The following FRYL variants were observed in gnomAD, a reference collection of about 807,000 sequenced individuals.
The protein encoded by FRYL is FRY like transcription coactivator, also known as protein furry homolog-like.
FRYL carries 150 observed loss-of-function variants against 351.2 expected under a neutral mutation model. The ratio of observed to expected loss-of-function variants is 0.43; its 90% confidence interval spans 0.37 to 0.49. The LOEUF (loss-of-function observed/expected upper bound fraction) is 0.49. Ranked by LOEUF, FRYL falls within the 20% of genes least tolerant of loss-of-function variation. FRYL has a pLI of 0.00. For synonymous variants in FRYL, 1,153 were observed against 1,257.1 expected, an observed-to-expected ratio of 0.92 and a Z score of 1.75; for missense variants, 3,036 against 3,619.3, an observed-to-expected ratio of 0.84 and a Z score of 4.13.
chr4:48,513,141 C>T (rs1197002453), intron 56 of FRYL, among the ~76,000 whole-genome samples: 1 of 152,090 alleles, frequency 6.6e-6, no homozygotes, highest in African/African-American at 2.4e-5. Flanking sequence ...TCAGTCTTCA[C>T]AACTATATGA....
chr4:48,777,556 C>T (rs1776147343), intron 1 of FRYL, among the ~76,000 whole-genome samples: 1 of 152,094 alleles, frequency 6.6e-6, no homozygotes. Flanking sequence ...GAAATGTGTG[C>T]ATATAAAACA....
intron 26 of FRYL, chr4:48,571,717 C>G (rs1048844576): frequency 1.0e-5 from 10 of 976,424 alleles, no homozygotes; most frequent in Non-Finnish European, 1.2e-5. Context: ...CTAAAGTTGA[C>G]AGCAATTCAT....
chr4:48,584,402 C>A (rs934647015), intron 19 of FRYL, among the ~76,000 whole-genome samples: 13 of 152,174 alleles, frequency 8.5e-5, no homozygotes, highest in African/African-American at 3.1e-4. Flanking sequence ...CAACTTTCAA[C>A]TGACAATGAG....
At chr4:48,588,735 T>A (rs1254312317) in intron 18 of FRYL, among the ~76,000 whole-genome samples, 1 of 152,188 alleles carries the variant, frequency 6.6e-6, no homozygotes, top group Non-Finnish European at 1.5e-5. Context: ...GGCCTCCACA[T>A]GTGCAGTGTC....
chr4:48,502,828 TGC>T lies in FRYL; in HGVS notation c.8479_8480del (p.Ala2827ArgfsTer24). 1 of 1,610,644 alleles carries T rather than the reference TGC, an allele frequency of 6.2e-7. No homozygotes were observed. Among genetic ancestry groups the T allele is most frequent in the Middle Eastern group, 1.7e-4 (1 of 6,044 alleles). ...CTATAAATCAAGACAGGTCACTTAC[TGC>T]TAGTATTTCCATTTGCTAAGCAAGA... ...NTDAQQMEIL[A>X]ELELCRRLYK... is the part of the protein sequence containing the mutation. On this transcript the variant is annotated frameshift_variant and splice_region_variant, in exon 61 of 64. Coordinates refer to ENST00000358350, the MANE Select transcript of FRYL (RefSeq NM_015030.2). LOFTEE classifies it high-confidence loss of function.
chr4:48,722,262 A>T (rs1769565640), intron 1 of FRYL, among the ~76,000 whole-genome samples: 1 of 152,198 alleles, frequency 6.6e-6, no homozygotes, highest in African/African-American at 2.4e-5. Context: ...CTTACACCAT[A>T]AATATATGCT....
At chr4:48,664,985 G>C (rs569196361) in intron 3 of FRYL, among the ~76,000 whole-genome samples, 1 of 152,284 alleles carries the variant, frequency 6.6e-6, no homozygotes, top group Non-Finnish European at 1.5e-5. Context: ...ATAGCTATAA[G>C]TGGGTTTCTA....
At chr4:48,515,330 C>G in intron 55 of FRYL, 55 bp from the exon 56 acceptor site, 1 of 1,323,198 alleles carries the variant, frequency 7.6e-7, no homozygotes, top group East Asian at 2.4e-5. Flanking sequence ...AAGAATTTTA[C>G]AACACAATAA....
At position 48,579,004 on chromosome 4, in the gene FRYL, G is replaced by A. The variant is rs746235682; in HGVS notation, c.2497C>T (p.Leu833Phe). ...TCGACCTGAGGGGACAACAACTGAA[G>A]TCTTGTGTATGCAAACATCCAAGCA... ...SYAWMFAYTR[L>F]QLLSPQVDIN... Residue 833 changes from leucine (L) to phenylalanine (F), a missense_variant, in exon 23 of 64, where the codon CTT (leucine) becomes TTT (phenylalanine). Leu to Phe is a conservative substitution (Grantham distance 22). Transcript: ENST00000358350. 1.2e-6 allele frequency: 2 copies of A among 1,612,776 alleles called. No individual in the cohort carries two copies. Among genetic ancestry groups the A allele is most frequent in the African/African-American group, 1.3e-5 (1 of 74,968 alleles).
intron 13 of FRYL, among the ~76,000 whole-genome samples, chr4:48,599,674 G>C (rs1745314312): frequency 6.6e-6 from 1 of 152,112 alleles, no homozygotes; most frequent in Non-Finnish European, 1.5e-5. Context: ...ATGTGAATAT[G>C]GACACAAATC....
intron 47 of FRYL, among the ~76,000 whole-genome samples, chr4:48,538,765 T>G (rs1324626740): frequency 6.6e-6 from 1 of 152,142 alleles, no homozygotes; most frequent in Non-Finnish European, 1.5e-5. Context: ...TTACTTATCT[T>G]GCTATTCACT....
chr4:48,591,646 C>T (rs1743255855), intron 16 of FRYL, among the ~76,000 whole-genome samples: 1 of 152,152 alleles, frequency 6.6e-6, no homozygotes, highest in South Asian at 2.1e-4. Flanking sequence ...CCTCCCTGAC[C>T]TGGGTATTAA....
At chr4:48,501,553 C>G (rs537940564) in intron 62 of FRYL, 70 bp downstream of exon 62, 1 of 832,966 alleles carries the variant, frequency 1.2e-6, no homozygotes, top group Non-Finnish European at 2.0e-6. Flanking sequence ...GCTATTTTAA[C>G]AAGTAATAGA....
rs1417452320 is a variant in FRYL, at chr4:48,507,619, G to A, written c.8395-2004C>T. Among the ~76,000 whole-genome samples, 4 of 152,130 alleles carry A rather than the reference G, an allele frequency of 2.6e-5. No homozygotes were observed. In the South Asian group the frequency reaches 6.2e-4, roughly 24 times the overall value. On this transcript the variant is annotated intron_variant, in intron 59 of 63. Transcript: ENST00000358350. ...CTACTCTAGGTGTATTCATATTCAC[G>A]TCCCTGCGCATAGAGGCTGAACAGA...
chr4:48,664,683 C>T (rs1214816695), intron 3 of FRYL, among the ~76,000 whole-genome samples: 6 of 152,236 alleles, frequency 3.9e-5, no homozygotes, highest in African/African-American at 7.2e-5. Context: ...ATAGCTCTCA[C>T]GGCATCTTGT....
At chr4:48,741,955 G>C (rs1202232387) in intron 1 of FRYL, among the ~76,000 whole-genome samples, 1 of 152,314 alleles carries the variant, frequency 6.6e-6, no homozygotes, top group Non-Finnish European at 1.5e-5. Context: ...GTCATTAGAA[G>C]TTTGTCCAAA....
intron 1 of FRYL, among the ~76,000 whole-genome samples, chr4:48,757,779 A>T (rs569955067): frequency 0.02 from 3,084 of 152,254 alleles, 103 homozygotes; most frequent in African/African-American, 0.071. Flanking sequence ...CATCGCCAAG[A>T]CAATCCTAAG....
chr4:48,632,110 ATATAT>A (rs1333106968), intron 4 of FRYL, among the ~76,000 whole-genome samples: 10 of 94,758 alleles, frequency 1.1e-4, no homozygotes, highest in Non-Finnish European at 1.4e-4. Flanking sequence ...ATATATATAT[ATATAT>A]ATATATATAT....
chr4:48,665,235 A>G (rs1315983468), intron 3 of FRYL, among the ~76,000 whole-genome samples: 1 of 152,144 alleles, frequency 6.6e-6, no homozygotes, highest in Non-Finnish European at 1.5e-5. Flanking sequence ...AGTTCTTTTT[A>G]TATATTTCAC....
Sources: gnomAD v4.1 joint callset for allele counts (sites outside exome capture counted in the v4.1 genomes callset) on GRCh38, gnomAD v4.1.1 for gene constraint, MANE v1.5 for transcripts, NCBI Gene and HGNC (gene_info 2026-07-23, HGNC 2026-07-21) for gene names.